Variants in ANGPT1 observed in about 807,000 individuals in gnomAD.
ANGPT1 encodes angiopoietin 1, also known as angiopoietin-1.
A neutral mutation model predicts 62.2 loss-of-function variants in ANGPT1; 17 were observed. The observed-to-expected ratio is 0.27, with a 90% CI of 0.19 to 0.41. The LOEUF is 0.41. Among genes scored for constraint, ANGPT1 ranks in the 10% least tolerant of loss-of-function variants. The pLI, the probability that ANGPT1 is intolerant of heterozygous loss-of-function variation, is 1.00. For synonymous variants in ANGPT1, 199 were observed against 198.9 expected (o/e 1.00, Z 0.00); for missense variants, 478 against 594.9 (o/e 0.80, Z 2.04).
intron 1 of ANGPT1, among the ~76,000 whole-genome samples, chr8:107,485,430 G>C (rs921196142): frequency 3.3e-5 from 5 of 152,086 alleles, no homozygotes; most frequent in African/African-American, 1.2e-4. Flanking sequence ...GGGTAGCTTA[G>C]AGCCTCCCTG....
chr8:107,388,309 A>G (rs544228507), intron 1 of ANGPT1, among the ~76,000 whole-genome samples: 4 of 152,218 alleles, frequency 2.6e-5, no homozygotes, highest in African/African-American at 9.6e-5. Flanking sequence ...TAGCTACTTC[A>G]GAGGCTGAGG....
chr8:107,445,184 G>A lies in ANGPT1; in HGVS notation c.297+52078C>T, dbSNP rs537448239. Among the ~76,000 whole-genome samples, 29 of 152,172 alleles carry A rather than the reference G, an allele frequency of 1.9e-4. No homozygotes were observed. In the South Asian group the frequency reaches 2.5e-3, roughly 13 times the overall value. On this transcript the variant is annotated intron_variant, in intron 1 of 8. Transcript: ENST00000517746. The stretch of plus-strand genomic sequence containing the variant: ...TTTTCTATTGGAGGCAAAGAGCTTC[G>A]GGAAACATTTTACTGTCTTGCCACT...
intron 1 of ANGPT1, among the ~76,000 whole-genome samples, chr8:107,384,508 T>C (rs1379115453): frequency 6.6e-6 from 1 of 152,170 alleles, no homozygotes. Flanking sequence ...ATAACACTGA[T>C]ATTTCTTGAT....
chr8:107,485,004 C>T (rs1812779023), intron 1 of ANGPT1, among the ~76,000 whole-genome samples: 1 of 151,994 alleles, frequency 6.6e-6, no homozygotes, highest in Non-Finnish European at 1.5e-5. Context: ...AGTGAGAAAC[C>T]CTTAAAATCA....
At chr8:107,350,508 A>G (rs1563581161) in intron 1 of ANGPT1, among the ~76,000 whole-genome samples, 2 of 152,102 alleles carry the variant, frequency 1.3e-5, no homozygotes, top group Admixed American at 1.3e-4. Context: ...ACCATTCTGT[A>G]CTATTGTGCT....
intron 1 of ANGPT1, among the ~76,000 whole-genome samples, chr8:107,452,073 C>A (rs575433033): frequency 1.3e-5 from 2 of 151,256 alleles, no homozygotes; most frequent in African/African-American, 2.4e-5. Flanking sequence ...CCACAAGTTC[C>A]GTATAGAATG....
chr8:107,428,413 T>C (rs571264057), intron 1 of ANGPT1, among the ~76,000 whole-genome samples: 1 of 152,272 alleles, frequency 6.6e-6, no homozygotes, highest in South Asian at 2.1e-4. Context: ...CAATAGACTT[T>C]GCAAAGTGCA....
chr8:107,491,897 A>G (rs1051829781), intron 1 of ANGPT1, among the ~76,000 whole-genome samples: 5 of 152,210 alleles, frequency 3.3e-5, no homozygotes, highest in East Asian at 3.9e-4. Context: ...GTGAAATGGT[A>G]CAGTCAGGGG....
chr8:107,438,602 CA>C lies in ANGPT1; in HGVS notation c.297+58659del, dbSNP rs1811394997. ...ATCTTCAAAGACAGCAAATTGGCAT[CA>C]GGGGAGAAAACCATATGCTTATCTT... On this transcript the variant is annotated intron_variant, in intron 1 of 8. Coordinates refer to ENST00000517746, the MANE Select transcript of ANGPT1 (RefSeq NM_001146.5). Among the ~76,000 whole-genome samples, 5 of 152,212 alleles carry C rather than the reference CA, an allele frequency of 3.3e-5. No individual in the cohort carries two copies. The South Asian group carries it at 1.0e-3, about 32-fold the overall frequency.
intron 1 of ANGPT1, among the ~76,000 whole-genome samples, chr8:107,377,780 T>G (rs967268329): frequency 6.6e-6 from 1 of 152,184 alleles, no homozygotes; most frequent in African/African-American, 2.4e-5. Flanking sequence ...GTCCAAAGCT[T>G]TCAATTACAC....
chr8:107,493,208 A>T lies in ANGPT1; in HGVS notation c.297+4054T>A, dbSNP rs1480167343. Among the ~76,000 whole-genome samples, 3 of 150,630 alleles carry T rather than the reference A, an allele frequency of 2.0e-5. 1 individual carries two copies. Among genetic ancestry groups the T allele is most frequent in the African/African-American group, 7.3e-5 (3 of 40,896 alleles). On this transcript the variant is annotated intron_variant, in intron 1 of 8. Transcript: ENST00000517746. ...AAAATGGATAAGCGACATTTACTAC[A>T]CTTGAGGAACTCACAGTCTAGGTGG... is the stretch of plus-strand genomic sequence containing the variant.
chr8:107,336,034 G>A, intron 3 of ANGPT1, 116 bp downstream of exon 3: 1 of 934,318 alleles, frequency 1.1e-6, no homozygotes, highest in Non-Finnish European at 1.4e-6. Context: ...TATTAATTTG[G>A]CTCTATATTT....
intron 1 of ANGPT1, among the ~76,000 whole-genome samples, chr8:107,437,555 A>G (rs1476828371): frequency 6.6e-6 from 1 of 152,176 alleles, no homozygotes; most frequent in Admixed American, 6.5e-5. Flanking sequence ...AGATGGGCAG[A>G]GTGCTAAATG....
At chr8:107,451,284 A>G (rs928799213) in intron 1 of ANGPT1, among the ~76,000 whole-genome samples, 2 of 149,134 alleles carry the variant, frequency 1.3e-5, no homozygotes, top group Non-Finnish European at 3.0e-5. Flanking sequence ...CTCTTCCACC[A>G]CTTACACTTA....
intron 1 of ANGPT1, among the ~76,000 whole-genome samples, chr8:107,372,684 G>C (rs1816440512): frequency 1.3e-5 from 2 of 151,944 alleles, no homozygotes; most frequent in Non-Finnish European, 2.9e-5. Flanking sequence ...CAGAAATGCA[G>C]TGACACAGTA....
intron 1 of ANGPT1, among the ~76,000 whole-genome samples, chr8:107,389,487 A>G (rs2130298729): frequency 6.6e-6 from 1 of 152,290 alleles, no homozygotes; most frequent in Non-Finnish European, 1.5e-5. Context: ...TGAATGTGAC[A>G]GGACCTTGAC....
rs182937259 is a variant in ANGPT1, at chr8:107,392,997, T to C, written c.298-45900A>G. Among the ~76,000 whole-genome samples the C allele has an allele frequency of 9.9e-5, 15 of 152,258 alleles. No individual in the cohort carries two copies. The East Asian group carries it at 2.7e-3, about 27-fold the overall frequency. ...TATTGTTTTGATTATGGCAGCAGAT[T>C]CCATCTTTTTAATTGACTGGAGTCT... On this transcript the variant is annotated intron_variant, in intron 1 of 8. Coordinates refer to ENST00000517746, the MANE Select transcript of ANGPT1 (RefSeq NM_001146.5).
chr8:107,321,875 A>G (rs1245734569), intron 4 of ANGPT1, 21 bp downstream of exon 4: 1 of 1,598,972 alleles, frequency 6.3e-7, no homozygotes, highest in South Asian at 1.1e-5. Context: ...AACAATACCA[A>G]AGTGAGGAAG....
chr8:107,303,243 T>G lies in ANGPT1; in HGVS notation c.933A>C (p.Lys311Asn), dbSNP rs1486133797. 1 of 1,609,422 alleles carries G rather than the reference T, an allele frequency of 6.2e-7. No individual in the cohort carries two copies. The highest frequency in any genetic ancestry group is 1.7e-5 in the Admixed American group (1 of 59,532). Residue 311 changes from lysine to asparagine, a missense_variant, in exon 5 of 9, where the codon AAA (lysine) becomes AAC (asparagine). By Grantham distance (94) the Lys-to-Asn change is moderately conservative. Around this residue, in one of 4 missense-constraint regions of ANGPT1, gnomAD observed 81 missense variants for 117.1 expected, o/e 0.69. Transcript: ENST00000517746. ...AAACAAACACTTCTGGTTTTACCTT[T>G]TTGGGTTCTGGCATATTATTAATAT... Reference protein sequence around the residue: ...TIYINNMPEPKKVFCNMDVNG... With the variant: ...TIYINNMPEPNKVFCNMDVNG...
Sources: gnomAD v4.1 joint callset for allele counts (sites outside exome capture counted in the v4.1 genomes callset) on GRCh38, gnomAD v4.1.1 for gene constraint, gnomAD v4.1.1 regional missense constraint, MANE v1.5 for transcripts, NCBI Gene and HGNC (gene_info 2026-07-23, HGNC 2026-07-21) for gene names.